Variants in ARHGAP15 observed in about 807,000 individuals in gnomAD.
ARHGAP15 encodes rho GTPase-activating protein 15.
A neutral mutation model predicts 63.7 loss-of-function variants in ARHGAP15; 51 were observed. The observed-to-expected ratio is 0.80, with a 90% CI of 0.64 to 1.01. The LOEUF (loss-of-function observed/expected upper bound fraction) is 1.01, where lower values mean the gene tolerates loss of function less well. Ranked by LOEUF, ARHGAP15 falls within the 50% of genes least tolerant of loss-of-function variation. The pLI is 0.00. For synonymous variants in ARHGAP15, 191 were observed against 193.8 expected, an observed-to-expected ratio of 0.99 and a Z score of 0.12; for missense variants, 560 against 564.6, an observed-to-expected ratio of 0.99 and a Z score of 0.08.
At chr2:143,376,807 A>G (rs1287434181) in intron 6 of ARHGAP15, among the ~76,000 whole-genome samples, 8 of 152,056 alleles carry the variant, frequency 5.3e-5, no homozygotes, top group Non-Finnish European at 8.8e-5. Flanking sequence ...ACCTGGTCTC[A>G]GCTCAGTTTA....
At chr2:143,666,731 C>A (rs1161296841) in intron 12 of ARHGAP15, among the ~76,000 whole-genome samples, 1 of 135,366 alleles carries the variant, frequency 7.4e-6, no homozygotes, top group Non-Finnish European at 1.6e-5. Context: ...AAGAAAAAAA[C>A]AAACAACCCC....
At chr2:143,589,427 T>A (rs1299532729) in intron 11 of ARHGAP15, among the ~76,000 whole-genome samples, 1 of 152,236 alleles carries the variant, frequency 6.6e-6, no homozygotes, top group African/African-American at 2.4e-5. Flanking sequence ...TTATTTATGT[T>A]ATCTCATTTA....
At chr2:143,674,800 C>G (rs958955403) in intron 12 of ARHGAP15, among the ~76,000 whole-genome samples, 1 of 152,162 alleles carries the variant, frequency 6.6e-6, no homozygotes, top group African/African-American at 2.4e-5. Context: ...TAATGGTTAT[C>G]TGAGACTTCA....
chr2:143,718,557 C>T (rs532725626), intron 13 of ARHGAP15, among the ~76,000 whole-genome samples: 2 of 152,264 alleles, frequency 1.3e-5, no homozygotes, highest in African/African-American at 2.4e-5. Context: ...TACATTATTG[C>T]CCTTGGTATA....
At chr2:143,686,328 G>A (rs1373739938) in intron 12 of ARHGAP15, among the ~76,000 whole-genome samples, 1 of 138,986 alleles carries the variant, frequency 7.2e-6, no homozygotes, top group East Asian at 2.2e-4. Context: ...AGGTTGCAGG[G>A]AACCAAGATT....
intron 13 of ARHGAP15, among the ~76,000 whole-genome samples, chr2:143,734,559 A>G (rs945781826): frequency 5.3e-5 from 8 of 152,234 alleles, no homozygotes; most frequent in African/African-American, 1.9e-4. Flanking sequence ...GTAGCTTTCA[A>G]ATACAAGAAA....
At chr2:143,159,261 A>T (rs1225092957) in intron 2 of ARHGAP15, among the ~76,000 whole-genome samples, 1 of 151,976 alleles carries the variant, frequency 6.6e-6, no homozygotes, top group Non-Finnish European at 1.5e-5. Flanking sequence ...TATCAGAAAA[A>T]AGAGGAAACA....
intron 13 of ARHGAP15, among the ~76,000 whole-genome samples, chr2:143,762,529 G>A (rs1274561494): frequency 6.6e-6 from 1 of 152,140 alleles, no homozygotes; most frequent in African/African-American, 2.4e-5. Flanking sequence ...TGAAGCCAGG[G>A]TGGCATAGGA....
chr2:143,257,334 G>T (rs1231644577), intron 6 of ARHGAP15, among the ~76,000 whole-genome samples: 1 of 152,054 alleles, frequency 6.6e-6, no homozygotes. Flanking sequence ...TTAGTGAAGG[G>T]AACCAAAATT....
chr2:143,593,692 A>G (rs928626405), intron 11 of ARHGAP15, among the ~76,000 whole-genome samples: 3 of 152,206 alleles, frequency 2.0e-5, no homozygotes, highest in Non-Finnish European at 4.4e-5. Flanking sequence ...ATTCCCAGCC[A>G]TAGCACATAT....
At chr2:143,678,722 G>C (rs1682947164) in intron 12 of ARHGAP15, among the ~76,000 whole-genome samples, 1 of 152,132 alleles carries the variant, frequency 6.6e-6, no homozygotes, top group South Asian at 2.1e-4. Context: ...AATTACTTTT[G>C]ATAAGATCAT....
Position 143,202,237 on chromosome 2 carries a change from G to A in ARHGAP15, c.234+35G>A, listed in dbSNP as rs1428992039. 3.9e-6 allele frequency: 6 copies of A among 1,538,068 alleles called. No individual in the cohort carries two copies. In the African/African-American group the frequency reaches 5.5e-5, roughly 14 times the overall value. ...TAAGTCATTATATTCTTCATCTACT[G>A]ATACAAAATAAATTGCCACAAAACT... On this transcript the variant is annotated intron_variant, in intron 3 of 13. Coordinates refer to ENST00000295095, the MANE Select transcript of ARHGAP15 (RefSeq NM_018460.4).
intron 6 of ARHGAP15, among the ~76,000 whole-genome samples, chr2:143,429,369 T>A (rs1455186923): frequency 1.3e-5 from 2 of 152,094 alleles, no homozygotes; most frequent in Non-Finnish European, 2.9e-5. Context: ...GTTGTACGAA[T>A]GCATGGACAA....
At chr2:143,742,147 C>T (rs1685986530) in intron 13 of ARHGAP15, among the ~76,000 whole-genome samples, 1 of 152,128 alleles carries the variant, frequency 6.6e-6, no homozygotes, top group South Asian at 2.1e-4. Flanking sequence ...CCTTAGGACA[C>T]ACCAGAGGCA....
Position 143,767,935 on chromosome 2 carries a change from C to T in ARHGAP15, c.1245-54C>T. ...CCTTTTTTAATCACTCCAAAGTAGC[C>T]ATAACTTCACTTCAAACTCCAGTGA... On this transcript the variant is annotated intron_variant, in intron 13 of 13. Coordinates refer to ENST00000295095, the MANE Select transcript of ARHGAP15 (RefSeq NM_018460.4). 2.0e-6 allele frequency: 3 copies of T among 1,535,946 alleles called. No homozygotes were observed. The South Asian group carries it at 3.6e-5, about 18-fold the overall frequency.
intron 11 of ARHGAP15, among the ~76,000 whole-genome samples, chr2:143,616,680 G>T (rs1238236770): frequency 1.3e-5 from 2 of 152,176 alleles, no homozygotes; most frequent in Non-Finnish European, 2.9e-5. Flanking sequence ...AGACCAGGTG[G>T]TAATAGAACC....
chr2:143,679,601 C>G (rs1682996014), intron 12 of ARHGAP15, among the ~76,000 whole-genome samples: 2 of 152,012 alleles, frequency 1.3e-5, no homozygotes, highest in Admixed American at 1.3e-4. Flanking sequence ...TCCTCCAACT[C>G]TGTCCTTTTT....
chr2:143,202,002 C>T (rs1039350331), intron 2 of ARHGAP15, 132 bp from the exon 3 acceptor site: 2 of 743,626 alleles, frequency 2.7e-6, no homozygotes, highest in African/African-American at 3.6e-5. Context: ...ATGTCCAAAA[C>T]ATTTACTTCT....
At position 143,352,947 on chromosome 2, in the gene ARHGAP15, A is replaced by G. The variant is rs950812246; in HGVS notation, c.475-82654A>G. 5.3e-5 allele frequency among the ~76,000 whole-genome samples: 8 copies of G among 152,170 alleles called. No homozygotes were observed. The East Asian group carries it at 1.5e-3, about 29-fold the overall frequency. ...CCATTGCATCATCATTATCAAAACC[A>G]TTATTTATAATTTTACTTTAATAAG... On this transcript the variant is annotated intron_variant, in intron 6 of 13. Transcript: ENST00000295095.
Sources: gnomAD v4.1 joint callset for allele counts (sites outside exome capture counted in the v4.1 genomes callset) on GRCh38, gnomAD v4.1.1 for gene constraint, MANE v1.5 for transcripts, NCBI Gene and HGNC (gene_info 2026-07-23, HGNC 2026-07-21) for gene names.